TRUB2: variants seen among roughly 807,000 people sequenced by gnomAD.
TRUB2 encodes the protein pseudouridylate synthase TRUB2, mitochondrial.
TRUB2 carries 31 observed loss-of-function variants against 31.9 expected under a neutral mutation model. That is an observed-to-expected ratio of 0.97 (90% confidence interval 0.73 to 1.31). The LOEUF is 1.31. TRUB2 is among the 50% of genes most tolerant of loss of function. The pLI is 0.00. For synonymous variants in TRUB2, 201 were observed against 182.6 expected, an observed-to-expected ratio of 1.10 and a Z score of -0.81; for missense variants, 451 against 439.6, an observed-to-expected ratio of 1.03 and a Z score of -0.23.
chr9:128,315,713 T>TA, intron 3 of TRUB2, 85 bp from the exon 4 acceptor site: 1 of 1,445,186 alleles, frequency 6.9e-7, no homozygotes, highest in Non-Finnish European at 9.5e-7. Flanking sequence ...ACCATCAGAA[T>TA]ACTCCCTTTT....
In TRUB2 at chr9:128,321,638, T is replaced by C; in HGVS notation, c.202A>G (p.Thr68Ala). The C allele has an allele frequency of 3.7e-6, 6 of 1,614,030 alleles. No individual in the cohort carries two copies. The highest frequency in any genetic ancestry group is 5.1e-6 in the Non-Finnish European group (6 of 1,180,010). ...EGSEEKELTL[T>A]ATSVPSFINH... is the part of the protein sequence containing the mutation. ...ATGAAAGAGGGTACGCTGGTGGCTG[T>C]GAGGGTCAGCTCCTTCTCTTCGCTG... Residue 68 changes from threonine to alanine, a missense_variant, in exon 2 of 8, where the codon ACA becomes GCA. Coordinates refer to ENST00000372890, the MANE Select transcript of TRUB2 (RefSeq NM_015679.3).
intron 7 of TRUB2, 93 bp downstream of exon 7, chr9:128,310,794 G>C: frequency 6.5e-7 from 1 of 1,543,632 alleles, no homozygotes. Flanking sequence ...CCTCAGCTGA[G>C]CCAGACAACA....
chr9:128,318,183 A>C (rs1671199807), intron 2 of TRUB2, among the ~76,000 whole-genome samples: 1 of 152,054 alleles, frequency 6.6e-6, no homozygotes, highest in Non-Finnish European at 1.5e-5. Flanking sequence ...ATCTCTACTA[A>C]AAATACAAAA....
rs1831879896 is a variant in TRUB2, at chr9:128,307,164, G to A, written c.*2386C>T. ...CCCAGCTACTTGGGTGGCTGAGGCA[G>A]GAGAATCACTTGACCCTGGGAGGCG... On this transcript the variant is annotated 3_prime_UTR_variant, in exon 8 of 8. Coordinates refer to ENST00000372890, the MANE Select transcript of TRUB2 (RefSeq NM_015679.3). 1 of 152,308 alleles carries A rather than the reference G, an allele frequency of 6.6e-6. No individual in the cohort carries two copies. The allele number at this position is 152,308 out of a possible 1,614,324, so 9.4% of individuals were successfully genotyped here.
At chr9:128,319,920 C>CT (rs532566965) in intron 2 of TRUB2, among the ~76,000 whole-genome samples, 524 of 129,520 alleles carry the variant, frequency 4.0e-3, no homozygotes, top group South Asian at 9.8e-3. Context: ...CACCTGGCCA[C>CT]TTTTTTTTTT....
At chr9:128,310,856 C>A (rs1831955075) in intron 7 of TRUB2, 31 bp downstream of exon 7, 1 of 1,613,038 alleles carries the variant, frequency 6.2e-7, no homozygotes, top group Admixed American at 1.7e-5. Context: ...CGGGTCCCAT[C>A]TCACTGCTCC....
At chr9:128,315,827 T>G (rs745570235) in intron 3 of TRUB2, 199 bp from the exon 4 acceptor site, 5 of 601,324 alleles carry the variant, frequency 8.3e-6, no homozygotes, top group East Asian at 5.8e-5. Flanking sequence ...CTTACCCATA[T>G]GCACTGAATC....
Position 128,309,747 on chromosome 9 carries a change from TG to T in TRUB2, c.798del (p.Asp266GlufsTer5). 6.2e-7 allele frequency: 1 copy of T among 1,614,244 alleles called. No homozygotes were observed. The highest frequency in any genetic ancestry group is 8.5e-7 in the Non-Finnish European group (1 of 1,180,042). On this transcript the variant is annotated frameshift_variant, in exon 8 of 8. Transcript: ENST00000372890. LOFTEE classifies it high-confidence loss of function. ...RRTRDGFFTL[D>X]SALLRTQWDL... ...TCCCACTGGGTCCTCAGGAGGGCAC[TG>T]TCTAGCGTGAAGAAGCCGTCGCGCG...
chr9:128,320,250 C>T (rs893745290), intron 2 of TRUB2, among the ~76,000 whole-genome samples: 1 of 152,034 alleles, frequency 6.6e-6, no homozygotes, highest in Non-Finnish European at 1.5e-5. Context: ...CTCACTGCAG[C>T]CTCTGAACTC....
chr9:128,312,461 C>T (rs1281419634), intron 5 of TRUB2, among the ~76,000 whole-genome samples: 3 of 141,372 alleles, frequency 2.1e-5, no homozygotes, highest in South Asian at 2.3e-4. Flanking sequence ...GATGGAATCT[C>T]GCTCTGTTGC....
intron 1 of TRUB2, 97 bp downstream of exon 1, chr9:128,322,203 T>G: frequency 1.0e-6 from 1 of 985,170 alleles, no homozygotes; most frequent in Non-Finnish European, 1.6e-6. Context: ...CCCAGGTGAA[T>G]AGGTCACGTG....
At chr9:128,315,439 C>T (rs1437075201) in intron 4 of TRUB2, 128 bp downstream of exon 4, 12 of 846,730 alleles carry the variant, frequency 1.4e-5, no homozygotes, top group African/African-American at 6.8e-5. Flanking sequence ...GCACAGCACA[C>T]GATCATCAAA....
At chr9:128,321,859 A>T (rs1832187848) in intron 1 of TRUB2, 129 bp from the exon 2 acceptor site, 1 of 1,044,714 alleles carries the variant, frequency 9.6e-7, no homozygotes, top group Non-Finnish European at 1.4e-6. Context: ...AGCTCACTGT[A>T]ACGTCAAACT....
Position 128,305,233 on chromosome 9 carries a change from G to A in TRUB2, c.*4317C>T, listed in dbSNP as rs1366785430. On this transcript the variant is annotated 3_prime_UTR_variant, in exon 8 of 8. Transcript: ENST00000372890. ...ATTACCCAGTCAGTAAACACAGTAAGCTGAGGTTCCACCCAGGCCCTTTGG... is the reference window on the plus strand; with the variant it reads ...ATTACCCAGTCAGTAAACACAGTAAACTGAGGTTCCACCCAGGCCCTTTGG... 1 of 152,264 alleles carries A rather than the reference G, an allele frequency of 6.6e-6. No individual in the cohort carries two copies. Among genetic ancestry groups the A allele is most frequent in the Non-Finnish European group, 1.5e-5 (1 of 68,068 alleles). The allele number at this position is 152,264 out of a possible 1,614,324, so 9.4% of individuals were successfully genotyped here. A position where few individuals can be genotyped will look rare whatever the true frequency, so the allele number is the denominator to read the frequency against.
intron 7 of TRUB2, among the ~76,000 whole-genome samples, chr9:128,310,630 G>A (rs1279026595): frequency 6.6e-6 from 1 of 152,046 alleles, no homozygotes; most frequent in African/African-American, 2.4e-5. Flanking sequence ...TATAACCTTT[G>A]CTTGGTAAGG....
At chr9:128,318,905 G>A (rs2131453985) in intron 2 of TRUB2, among the ~76,000 whole-genome samples, 2 of 152,130 alleles carry the variant, frequency 1.3e-5, no homozygotes, top group South Asian at 4.2e-4. Flanking sequence ...CAAGAGACCA[G>A]TTGCAAGGGC....
intron 3 of TRUB2, 123 bp downstream of exon 3, chr9:128,317,029 A>G (rs1202502385): frequency 7.2e-6 from 6 of 828,624 alleles, no homozygotes; most frequent in African/African-American, 1.7e-5. Context: ...TGGGGCAGGA[A>G]TCAGGGCAGG....
In TRUB2 at chr9:128,310,489, G is replaced by A. The variant is rs567056717; in HGVS notation, c.670+398C>T. Reference sequence around the variant, plus strand: ...AACATGACCAACAGAAAAAAGGGGCGGGCGCAGGCAGAGACAAAAGGAACA... The same window carrying A: ...AACATGACCAACAGAAAAAAGGGGCAGGCGCAGGCAGAGACAAAAGGAACA... On this transcript the variant is annotated intron_variant, in intron 7 of 7. Coordinates refer to ENST00000372890, the MANE Select transcript of TRUB2 (RefSeq NM_015679.3). Among the ~76,000 whole-genome samples, 16 of 151,870 alleles carry A rather than the reference G, an allele frequency of 1.1e-4. No homozygotes were observed. In the South Asian group the frequency reaches 1.9e-3, roughly 18 times the overall value.
intron 2 of TRUB2, among the ~76,000 whole-genome samples, chr9:128,317,891 T>C (rs1208590600): frequency 1.3e-5 from 2 of 152,204 alleles, no homozygotes; most frequent in Non-Finnish European, 2.9e-5. Context: ...CTTCTTATTG[T>C]TACCATATAA....
Sources: allele counts gnomAD v4.1 joint callset (sites outside exome capture counted in the v4.1 genomes callset), GRCh38; gene constraint gnomAD v4.1.1; transcripts MANE v1.5; gene names NCBI Gene and HGNC (gene_info 2026-07-23, HGNC 2026-07-21).